MEIKIN: variants seen among roughly 807,000 people sequenced by gnomAD.
MEIKIN encodes meiotic kinetochore factor.
At chr5:131,934,087 G>A (rs1386682861) in intron 4 of MEIKIN, among the ~76,000 whole-genome samples, 1 of 151,858 alleles carries the variant, frequency 6.6e-6, no homozygotes, top group Non-Finnish European at 1.5e-5. Context: ...GAGTAGCTGG[G>A]ATTACAGGAA....
intron 9 of MEIKIN, among the ~76,000 whole-genome samples, chr5:131,868,116 G>A (rs547227575): frequency 7.3e-4 from 111 of 152,306 alleles, no homozygotes; most frequent in African/African-American, 2.4e-3. Flanking sequence ...TTGAAACAGA[G>A]TCTCACTCTG....
At chr5:131,851,933 A>G (rs991092048) in intron 10 of MEIKIN, among the ~76,000 whole-genome samples, 2 of 152,206 alleles carry the variant, frequency 1.3e-5, no homozygotes, top group Non-Finnish European at 2.9e-5. Flanking sequence ...ATTCCCCATG[A>G]ATACTGAGGG....
intron 8 of MEIKIN, among the ~76,000 whole-genome samples, chr5:131,895,359 T>G (rs983151691): frequency 6.6e-6 from 1 of 152,208 alleles, no homozygotes; most frequent in African/African-American, 2.4e-5. Context: ...CTTTTTTCAT[T>G]GTGTCTCTGC....
intron 9 of MEIKIN, among the ~76,000 whole-genome samples, chr5:131,857,492 G>A (rs1484407226): frequency 2.0e-5 from 3 of 152,144 alleles, no homozygotes; most frequent in Admixed American, 6.5e-5. Context: ...TGTCCAGTCC[G>A]ATCTGAGTGT....
chr5:131,939,450 C>G (rs980761364), intron 4 of MEIKIN, among the ~76,000 whole-genome samples: 1 of 151,068 alleles, frequency 6.6e-6, no homozygotes, highest in Admixed American at 6.6e-5. Context: ...CATTAATTAT[C>G]TGTTGTTAGC....
rs562222584 is a variant in MEIKIN, at chr5:131,842,587, T to C, written c.975+8677A>G. On this transcript the variant is annotated intron_variant, in intron 11 of 12. Coordinates refer to ENST00000442687, the MANE Select transcript of MEIKIN (RefSeq NM_001303622.2). ...TTTTTCTTCTCTTGATGTTTTTCAT[T>C]GTGATTTGTTGATTTTTTTTTGCAA... Among the ~76,000 whole-genome samples, 6 of 152,298 alleles carry C rather than the reference T, an allele frequency of 3.9e-5. No individual in the cohort carries two copies. The East Asian group carries it at 1.2e-3, about 29-fold the overall frequency.
chr5:131,911,075 T>G (rs1311026601), intron 8 of MEIKIN, among the ~76,000 whole-genome samples: 1 of 152,104 alleles, frequency 6.6e-6, no homozygotes, highest in East Asian at 1.9e-4. Flanking sequence ...AAGGTATTGC[T>G]CCTTCCAAGG....
chr5:131,851,599 G>C (rs770884611), intron 10 of MEIKIN, among the ~76,000 whole-genome samples: 1 of 152,144 alleles, frequency 6.6e-6, no homozygotes, highest in Non-Finnish European at 1.5e-5. Context: ...TCTGTAAAAT[G>C]GGTTATAACA....
At chr5:131,885,479 T>C (rs1690772584) in intron 8 of MEIKIN, among the ~76,000 whole-genome samples, 1 of 151,936 alleles carries the variant, frequency 6.6e-6, no homozygotes, top group African/African-American at 2.4e-5. Flanking sequence ...AAAGAGTCTC[T>C]GCCTGGTAAT....
intron 9 of MEIKIN, among the ~76,000 whole-genome samples, chr5:131,878,740 G>T (rs1457742620): frequency 4.0e-5 from 6 of 151,878 alleles, no homozygotes; most frequent in Admixed American, 3.3e-4. Flanking sequence ...GCGTGGTAGT[G>T]CATGCATGCC....
At chr5:131,861,851 GC>G (rs1750290759) in intron 9 of MEIKIN, among the ~76,000 whole-genome samples, 1 of 152,220 alleles carries the variant, frequency 6.6e-6, no homozygotes, top group Non-Finnish European at 1.5e-5. Context: ...GATTTAGTTT[GC>G]CAGTATTTTG....
Position 131,923,067 on chromosome 5 carries a change from T to C in MEIKIN, c.479-1126A>G, listed in dbSNP as rs145997244. ...CCACCACACCCGGCTAATATTTTATTTGTGTAGAGACAGTTTCGCCATGTT... is the reference window on the plus strand; with the variant it reads ...CCACCACACCCGGCTAATATTTTATCTGTGTAGAGACAGTTTCGCCATGTT... On this transcript the variant is annotated intron_variant, in intron 5 of 12. Transcript: ENST00000442687. Among the ~76,000 whole-genome samples, 7 of 152,322 alleles carry C rather than the reference T, an allele frequency of 4.6e-5. No individual in the cohort carries two copies. The East Asian group carries it at 1.4e-3, about 29-fold the overall frequency.
intron 8 of MEIKIN, among the ~76,000 whole-genome samples, chr5:131,889,630 C>G (rs1322817169): frequency 6.6e-6 from 1 of 152,206 alleles, no homozygotes; most frequent in Non-Finnish European, 1.5e-5. Flanking sequence ...ATGGGGTTTT[C>G]TACATATACA....
At chr5:131,865,766 A>T (rs991321391) in intron 9 of MEIKIN, among the ~76,000 whole-genome samples, 1 of 152,176 alleles carries the variant, frequency 6.6e-6, no homozygotes, top group African/African-American at 2.4e-5. Context: ...CATATGCAGT[A>T]TTACTGTCTT....
intron 4 of MEIKIN, among the ~76,000 whole-genome samples, chr5:131,940,454 T>C (rs972075895): frequency 6.6e-6 from 1 of 152,238 alleles, no homozygotes; most frequent in African/African-American, 2.4e-5. Context: ...TGCTATATTA[T>C]GGATTCAGCG....
intron 9 of MEIKIN, among the ~76,000 whole-genome samples, chr5:131,874,164 T>A (rs1352797381): frequency 6.6e-6 from 1 of 151,678 alleles, no homozygotes; most frequent in Non-Finnish European, 1.5e-5. Context: ...CTGAAGGAAA[T>A]AGAGACACAA....
chr5:131,890,958 C>T (rs1285809292), intron 8 of MEIKIN, among the ~76,000 whole-genome samples: 1 of 152,108 alleles, frequency 6.6e-6, no homozygotes, highest in East Asian at 1.9e-4. Context: ...TTATTTCTGC[C>T]TTCATTTCGT....
chr5:131,926,778 T>C (rs1347287152), intron 5 of MEIKIN, among the ~76,000 whole-genome samples: 1 of 152,200 alleles, frequency 6.6e-6, no homozygotes. Context: ...GAATTTCTTC[T>C]TTCCTTCTAG....
chr5:131,873,141 T>C (rs62384086), intron 9 of MEIKIN, among the ~76,000 whole-genome samples: 3,212 of 152,200 alleles, frequency 0.021, 44 homozygotes, highest in Middle Eastern at 0.044. Context: ...CATATTCACA[T>C]ATAACAATAT....
Sources: allele counts gnomAD v4.1 joint callset (sites outside exome capture counted in the v4.1 genomes callset), GRCh38; gene constraint gnomAD v4.1.1; transcripts MANE v1.5; gene names NCBI Gene and HGNC (gene_info 2026-07-23, HGNC 2026-07-21).